Variants in LRFN2 observed in about 807,000 individuals in gnomAD.
The protein encoded by LRFN2 is leucine-rich repeat and fibronectin type-III domain-containing protein 2.
LRFN2 carries 18 observed loss-of-function variants against 37.3 expected under a neutral mutation model. The observed-to-expected ratio is 0.48, with a 90% CI of 0.33 to 0.72. The LOEUF (loss-of-function observed/expected upper bound fraction) is 0.72. Ranked by LOEUF, LRFN2 falls within the 30% of genes least tolerant of loss-of-function variation. The pLI, the probability that LRFN2 is intolerant of heterozygous loss-of-function variation, is 0.02. For synonymous variants in LRFN2, 556 were observed against 466.6 expected, an observed-to-expected ratio of 1.19 and a Z score of -2.47; for missense variants, 1,006 against 1,060.7, an observed-to-expected ratio of 0.95 and a Z score of 0.72.
chr6:40,547,300 T>C (rs1275698113), intron 1 of LRFN2, among the ~76,000 whole-genome samples: 2 of 152,072 alleles, frequency 1.3e-5, no homozygotes, highest in Admixed American at 1.3e-4. Context: ...AGACAGAGTT[T>C]CACCATGTTG....
intron 2 of LRFN2, among the ~76,000 whole-genome samples, chr6:40,410,656 GTCTATCT>G (rs1481223890): frequency 6.6e-6 from 1 of 152,096 alleles, no homozygotes; most frequent in East Asian, 1.9e-4. Flanking sequence ...CTTTATTATT[GTCTATCT>G]TCTATTTATC....
chr6:40,546,776 T>G (rs1021331264), intron 1 of LRFN2, among the ~76,000 whole-genome samples: 4 of 152,208 alleles, frequency 2.6e-5, no homozygotes, highest in African/African-American at 9.6e-5. Context: ...TTATCTAATT[T>G]CTCAGATGAG....
At chr6:40,515,627 G>A (rs745572166) in intron 1 of LRFN2, among the ~76,000 whole-genome samples, 9 of 152,102 alleles carry the variant, frequency 5.9e-5, no homozygotes, top group South Asian at 2.1e-4. Flanking sequence ...GGTGGCTCAC[G>A]CCTGTAATCC....
At chr6:40,418,295 C>T (rs1021332924) in intron 2 of LRFN2, among the ~76,000 whole-genome samples, 3 of 152,194 alleles carry the variant, frequency 2.0e-5, no homozygotes, top group Admixed American at 6.5e-5. Flanking sequence ...CGATTCCTAA[C>T]CACCCATATA....
At chr6:40,431,639 C>G in intron 2 of LRFN2, 75 bp downstream of exon 2, 1 of 1,341,052 alleles carries the variant, frequency 7.5e-7, no homozygotes, top group Non-Finnish European at 1.0e-6. Flanking sequence ...GTGGGAGCAG[C>G]CCCAAGACCT....
chr6:40,397,117 G>A (rs1157469972), intron 2 of LRFN2, among the ~76,000 whole-genome samples: 2 of 152,144 alleles, frequency 1.3e-5, no homozygotes, highest in East Asian at 1.9e-4. Context: ...AGAAAGCCAC[G>A]TGAAATGGGC....
Position 40,433,102 on chromosome 6 carries a change from C to T in LRFN2, c.12G>A (p.Leu4=), listed in dbSNP as rs1012170543. The T allele has an allele frequency of 2.3e-5, 35 of 1,523,794 alleles. No homozygotes were observed. Among genetic ancestry groups the T allele is most frequent in the Non-Finnish European group, 3.1e-5 (35 of 1,137,460 alleles). 94.4% of individuals were successfully genotyped at this position (1,523,794 alleles called of 1,614,324 possible). A position where few individuals can be genotyped will look rare whatever the true frequency, so the allele number is the denominator to read the frequency against. The change falls in exon 2 of 3, where the codon CTG becomes CTA. Residue 4 remains leucine (L), a synonymous_variant. Transcript: ENST00000338305. ...TGCCAAACGCTAGCAGGCCACCAAG[C>T]AGGGTCTCCATGGTCTGGTCACTCA... The part of the protein sequence containing the change: MET[L]LGGLLAFGMA...
chr6:40,458,913 G>A (rs1261517940), intron 1 of LRFN2, among the ~76,000 whole-genome samples: 2 of 152,292 alleles, frequency 1.3e-5, no homozygotes, highest in East Asian at 3.9e-4. Flanking sequence ...GCACCAACTA[G>A]ACTGCTCTGT....
intron 1 of LRFN2, among the ~76,000 whole-genome samples, chr6:40,470,851 G>A (rs554226573): frequency 2.0e-5 from 3 of 152,326 alleles, no homozygotes; most frequent in African/African-American, 7.2e-5. Flanking sequence ...GGTGGGGATG[G>A]AGCATAAGAG....
chr6:40,581,819 G>A (rs2473592), intron 1 of LRFN2, among the ~76,000 whole-genome samples: 67,982 of 151,830 alleles, frequency 0.45, 15,563 homozygotes, highest in Middle Eastern at 0.56. Flanking sequence ...AAGTCCTGCA[G>A]GCTGAGTGGC....
chr6:40,447,381 T>A (rs1218949226), intron 1 of LRFN2, among the ~76,000 whole-genome samples: 1 of 152,198 alleles, frequency 6.6e-6, no homozygotes, highest in Non-Finnish European at 1.5e-5. Flanking sequence ...TGCCTCACTC[T>A]CAGGCTCTCT....
intron 2 of LRFN2, among the ~76,000 whole-genome samples, chr6:40,400,985 C>A (rs1396129083): frequency 6.6e-6 from 1 of 151,658 alleles, no homozygotes; most frequent in Non-Finnish European, 1.5e-5. Flanking sequence ...CTCTTTCAAC[C>A]AACCCCCTAA....
chr6:40,572,353 G>A (rs1365216109), intron 1 of LRFN2, among the ~76,000 whole-genome samples: 1 of 152,166 alleles, frequency 6.6e-6, no homozygotes, highest in Non-Finnish European at 1.5e-5. Flanking sequence ...AAGGGACCCG[G>A]GCCATTATCC....
chr6:40,408,381 G>A (rs540440525), intron 2 of LRFN2, among the ~76,000 whole-genome samples: 69 of 152,284 alleles, frequency 4.5e-4, no homozygotes, highest in Middle Eastern at 3.4e-3. Context: ...GGGCTTCTTG[G>A]TTCTATTGTC....
chr6:40,487,123 G>A (rs748824698), intron 1 of LRFN2, among the ~76,000 whole-genome samples: 1 of 152,162 alleles, frequency 6.6e-6, no homozygotes, highest in Non-Finnish European at 1.5e-5. Flanking sequence ...GTGGTCTGAA[G>A]ACCACCAGGG....
intron 1 of LRFN2, among the ~76,000 whole-genome samples, chr6:40,515,227 G>A (rs573467844): frequency 6.6e-6 from 1 of 152,314 alleles, no homozygotes; most frequent in East Asian, 1.9e-4. Context: ...GGGATGCTGA[G>A]GGAGGCTGGC....
chr6:40,540,946 G>C (rs1766544276), intron 1 of LRFN2, among the ~76,000 whole-genome samples: 1 of 152,220 alleles, frequency 6.6e-6, no homozygotes, highest in Non-Finnish European at 1.5e-5. Context: ...TGGGGGTCAG[G>C]AGGGAATGAG....
At chr6:40,516,518 A>T (rs1347358415) in intron 1 of LRFN2, 1 of 152,188 alleles carries the variant, frequency 6.6e-6, no homozygotes, top group African/African-American at 2.4e-5. Flanking sequence ...TGCCACTGTG[A>T]GAAGGTGAGA....
intron 1 of LRFN2, among the ~76,000 whole-genome samples, chr6:40,449,651 C>A (rs946796330): frequency 2.0e-5 from 3 of 152,166 alleles, no homozygotes; most frequent in Non-Finnish European, 4.4e-5. Flanking sequence ...CATGGCACCA[C>A]CATATAGCCC....
Sources: gnomAD v4.1 joint callset for allele counts (sites outside exome capture counted in the v4.1 genomes callset) on GRCh38, gnomAD v4.1.1 for gene constraint, MANE v1.5 for transcripts, NCBI Gene and HGNC (gene_info 2026-07-23, HGNC 2026-07-21) for gene names.